DEFB125: variants seen among roughly 807,000 people sequenced by gnomAD.
DEFB125 encodes defensin beta 125.
Under a neutral mutation model 11.8 loss-of-function variants are expected in DEFB125, and 11 were observed. That is an observed-to-expected ratio of 0.94 (90% CI 0.59 to 1.55). The LOEUF (loss-of-function observed/expected upper bound fraction) is 1.55, where lower values mean the gene tolerates loss of function less well. DEFB125 is among the 40% of genes most tolerant of loss of function. The pLI, the probability that DEFB125 is intolerant of heterozygous loss-of-function variation, is 0.00. For missense variants in DEFB125, 198 were observed against 191.2 expected (o/e 1.04, Z -0.21); for synonymous variants, 79 against 66.7 (o/e 1.18, Z -0.90).
chr20:88,610 T>TA (rs539425755), intron 1 of DEFB125, among the ~76,000 whole-genome samples: 22 of 152,230 alleles, frequency 1.4e-4, no homozygotes, highest in Non-Finnish European at 2.6e-4. Flanking sequence ...TTTAGATTTT[T>TA]AAAAAATGCA....
chr20:92,612 C>T (rs1320866011), intron 1 of DEFB125, among the ~76,000 whole-genome samples: 1 of 151,938 alleles, frequency 6.6e-6, no homozygotes, highest in Non-Finnish European at 1.5e-5. Context: ...AGGATGGTCT[C>T]GATCTCCTGA....
Position 96,483 on chromosome 20 carries a change from T to G in DEFB125, c.*66T>G. 5 of 1,515,884 alleles carry G rather than the reference T, an allele frequency of 3.3e-6. No individual in the cohort carries two copies. Among genetic ancestry groups the G allele is most frequent in the Non-Finnish European group, 4.4e-6 (5 of 1,135,248 alleles). 93.9% of individuals were successfully genotyped at this position (1,515,884 alleles called of 1,614,324 possible). On this transcript the variant is annotated 3_prime_UTR_variant, in exon 2 of 2. Transcript: ENST00000382410. Reference sequence around the variant, plus strand: ...TGGAAATAATATCCAAAGAGCTGATTCTACCAATCCAATTTCACCAGGAAA... The same window carrying G: ...TGGAAATAATATCCAAAGAGCTGATGCTACCAATCCAATTTCACCAGGAAA...
intron 1 of DEFB125, among the ~76,000 whole-genome samples, chr20:90,556 C>A (rs774623486): frequency 6.6e-6 from 1 of 152,206 alleles, no homozygotes; most frequent in Non-Finnish European, 1.5e-5. Context: ...TGTGAAGACA[C>A]ATAGTGCATG....
intron 1 of DEFB125, among the ~76,000 whole-genome samples, chr20:90,219 C>A (rs1327974464): frequency 6.6e-6 from 1 of 151,984 alleles, no homozygotes; most frequent in Non-Finnish European, 1.5e-5. Context: ...ATCACATGTC[C>A]TAACAACATA....
chr20:91,505 A>G (rs1243022029), intron 1 of DEFB125, among the ~76,000 whole-genome samples: 2 of 151,954 alleles, frequency 1.3e-5, no homozygotes, highest in African/African-American at 4.8e-5. Context: ...ACTTTTTATT[A>G]TCTGTCTCCC....
chr20:95,036 A>G (rs983883784), intron 1 of DEFB125, among the ~76,000 whole-genome samples: 1 of 152,140 alleles, frequency 6.6e-6, no homozygotes, highest in Non-Finnish European at 1.5e-5. Context: ...TGATAATAAC[A>G]GGTTATAACT....
chr20:94,617 T>C (rs1248154473), intron 1 of DEFB125, among the ~76,000 whole-genome samples: 2 of 152,170 alleles, frequency 1.3e-5, no homozygotes, highest in African/African-American at 4.8e-5. Context: ...TGTTCACCTT[T>C]TGCTGTGCAG....
At chr20:95,747 G>A (rs193069766) in intron 1 of DEFB125, among the ~76,000 whole-genome samples, 174 of 151,924 alleles carry the variant, frequency 1.1e-3, no homozygotes, top group Middle Eastern at 3.4e-3. Flanking sequence ...TCTAGGTTTC[G>A]TATCAGTCTC....
chr20:93,655 C>G (rs1268424833), intron 1 of DEFB125, among the ~76,000 whole-genome samples: 1 of 152,200 alleles, frequency 6.6e-6, no homozygotes, highest in Non-Finnish European at 1.5e-5. Flanking sequence ...TTAATGTAGT[C>G]ACATCTGATA....
rs1175587747 is a variant in DEFB125 at position 96,497 on chromosome 20, T to C, written c.*80T>C. The C allele has an allele frequency of 1.3e-6, 2 of 1,486,946 alleles. No homozygotes were observed. The highest frequency in any genetic ancestry group is 2.2e-5 in the Admixed American group (1 of 46,460). The allele number at this position is 1,486,946 out of a possible 1,614,324, so 92.1% of individuals were successfully genotyped here. ...AAAGAGCTGATTCTACCAATCCAAT[T>C]TCACCAGGAAAATTCCATCAGGGAT... On this transcript the variant is annotated 3_prime_UTR_variant, in exon 2 of 2. Transcript: ENST00000382410.
chr20:96,955 A>G lies in DEFB125; in HGVS notation c.*538A>G, dbSNP rs2054518220. On this transcript the variant is annotated 3_prime_UTR_variant, in exon 2 of 2. Transcript: ENST00000382410. Reference sequence around the variant, plus strand: ...TGTGTCATGACGTCAAATTTTGTTTAAGGTTCTAGCTGGTAACTAACAGAG... The same window carrying G: ...TGTGTCATGACGTCAAATTTTGTTTGAGGTTCTAGCTGGTAACTAACAGAG... 1 of 153,800 alleles carries G rather than the reference A, an allele frequency of 6.5e-6. No individual in the cohort carries two copies. The highest frequency in any genetic ancestry group is 6.4e-5 in the Admixed American group (1 of 15,554). 9.5% of individuals were successfully genotyped at this position (153,800 alleles called of 1,614,324 possible). A position where few individuals can be genotyped will look rare whatever the true frequency, so the allele number is the denominator to read the frequency against.
chr20:94,953 T>C (rs1023082187), intron 1 of DEFB125, among the ~76,000 whole-genome samples: 4 of 152,206 alleles, frequency 2.6e-5, no homozygotes, highest in Non-Finnish European at 5.9e-5. Flanking sequence ...GCTGCTGGGC[T>C]TCCCTGTGGG....
chr20:94,086 T>TG (rs1289424295), intron 1 of DEFB125, among the ~76,000 whole-genome samples: 24 of 99,998 alleles, frequency 2.4e-4, no homozygotes, highest in East Asian at 6.6e-4. Context: ...TTAAGTTTTT[T>TG]GGTTTTTTTT....
At chr20:89,021 C>G (rs1278960589) in intron 1 of DEFB125, among the ~76,000 whole-genome samples, 2 of 152,122 alleles carry the variant, frequency 1.3e-5, no homozygotes, top group Non-Finnish European at 2.9e-5. Context: ...CTACTACATT[C>G]AGTTTTACAG....
chr20:94,197 A>C (rs1417994292), intron 1 of DEFB125, among the ~76,000 whole-genome samples: 3 of 152,108 alleles, frequency 2.0e-5, no homozygotes, highest in Admixed American at 2.0e-4. Context: ...CATGTATACA[A>C]TGTGTAATGA....
At position 96,568 on chromosome 20, in the gene DEFB125, G is replaced by A; in HGVS notation, c.*151G>A. On this transcript the variant is annotated 3_prime_UTR_variant, in exon 2 of 2. Transcript: ENST00000382410. ...CATAATTGCTACTACCAACACAACAGCCAAGAGAGTTGCCTTACAATTAGA... is the reference window on the plus strand; with the variant it reads ...CATAATTGCTACTACCAACACAACAACCAAGAGAGTTGCCTTACAATTAGA... The A allele has an allele frequency of 1.1e-6, 1 of 880,078 alleles. No individual in the cohort carries two copies. The highest frequency in any genetic ancestry group is 1.8e-5 in the South Asian group (1 of 55,306). The allele number at this position is 880,078 out of a possible 1,614,324, so 54.5% of individuals were successfully genotyped here. A position where few individuals can be genotyped will look rare whatever the true frequency, so the allele number is the denominator to read the frequency against.
At position 96,441 on chromosome 20, in the gene DEFB125, A is replaced by C. The variant is rs376077817; in HGVS notation, c.*24A>C. 1.2e-5 allele frequency: 19 copies of C among 1,586,424 alleles called. No homozygotes were observed. In the African/African-American group the frequency reaches 2.3e-4, roughly 19 times the overall value. On this transcript the variant is annotated 3_prime_UTR_variant, in exon 2 of 2. Coordinates refer to ENST00000382410, the MANE Select transcript of DEFB125 (RefSeq NM_153325.4). Reference sequence around the variant, plus strand: ...AATTAACATTTACTTCTGGTATGGAACAACTAGAAATACTGCTGGAAATAA... The same window carrying C: ...AATTAACATTTACTTCTGGTATGGACCAACTAGAAATACTGCTGGAAATAA...
At chr20:88,363 T>C (rs968688514) in intron 1 of DEFB125, among the ~76,000 whole-genome samples, 2 of 152,178 alleles carry the variant, frequency 1.3e-5, no homozygotes, top group African/African-American at 4.8e-5. Context: ...AACAGTCTGT[T>C]TCCACTATTT....
intron 1 of DEFB125, among the ~76,000 whole-genome samples, chr20:92,696 C>G (rs778323386): frequency 1.3e-4 from 20 of 151,962 alleles, no homozygotes; most frequent in Non-Finnish European, 2.5e-4. Context: ...CAGCCATCTT[C>G]CCTCTTTTTT....
Sources: allele counts gnomAD v4.1 joint callset (sites outside exome capture counted in the v4.1 genomes callset), GRCh38; gene constraint gnomAD v4.1.1; transcripts MANE v1.5; gene names NCBI Gene and HGNC (gene_info 2026-07-23, HGNC 2026-07-21).